Variants in GRID2 observed in about 807,000 individuals in gnomAD.
GRID2 encodes glutamate ionotropic receptor delta type subunit 2.
A neutral mutation model predicts 114.8 loss-of-function variants in GRID2; 33 were observed. The ratio of observed to expected loss-of-function variants is 0.29; its 90% CI spans 0.22 to 0.38. GRID2 has a LOEUF of 0.38. Among genes scored for constraint, GRID2 ranks in the 10% least tolerant of loss-of-function variants. The probability of loss-of-function intolerance (pLI) is 1.00; values close to 1 mark genes in which losing one functional copy is unlikely to be tolerated. For missense variants in GRID2, 1,184 were observed against 1,257.7 expected (o/e 0.94, Z 0.89); for synonymous variants, 505 against 449.9 (o/e 1.12, Z -1.55).
chr4:92,804,072 G>A (rs1460082891), intron 2 of GRID2, among the ~76,000 whole-genome samples: 2 of 151,944 alleles, frequency 1.3e-5, no homozygotes, highest in Admixed American at 6.6e-5. Flanking sequence ...TCATTACATC[G>A]TATTCTTTTT....
intron 1 of GRID2, among the ~76,000 whole-genome samples, chr4:92,377,205 G>T (rs1212743280): frequency 6.6e-6 from 1 of 152,044 alleles, no homozygotes; most frequent in Non-Finnish European, 1.5e-5. Flanking sequence ...TGAATGCTTT[G>T]CTGCTTAGAA....
At chr4:93,562,985 T>A (rs1432078776) in intron 13 of GRID2, among the ~76,000 whole-genome samples, 2 of 152,030 alleles carry the variant, frequency 1.3e-5, no homozygotes, top group Non-Finnish European at 2.9e-5. Flanking sequence ...AGCTTTATTG[T>A]AAGCCTTCAA....
intron 2 of GRID2, chr4:92,822,275 C>T (rs1269904415): frequency 5.1e-6 from 3 of 584,906 alleles, no homozygotes; most frequent in Non-Finnish European, 1.0e-5. Flanking sequence ...GATCGCATGG[C>T]ATGGCATGGC....
chr4:93,439,294 T>G (rs1721400859), intron 10 of GRID2, among the ~76,000 whole-genome samples: 1 of 151,992 alleles, frequency 6.6e-6, no homozygotes, highest in African/African-American at 2.4e-5. Context: ...TAATAGAAAT[T>G]GATAACTTGG....
At chr4:93,779,541 A>C (rs1465147987), downstream of GRID2, among the ~76,000 whole-genome samples, 1 of 152,228 alleles carries the variant, frequency 6.6e-6, no homozygotes, top group African/African-American at 2.4e-5. Flanking sequence ...TTGGAGAAAC[A>C]AAATATAAAC....
rs1579294867 is a variant in GRID2, at chr4:92,397,370, G to C, written c.88+92626G>C. 2.0e-5 allele frequency among the ~76,000 whole-genome samples: 3 copies of C among 150,784 alleles called. 1 individual carries two copies. In the South Asian group the frequency reaches 6.3e-4, roughly 32 times the overall value. On this transcript the variant is annotated intron_variant, in intron 1 of 15. Coordinates refer to ENST00000282020, the MANE Select transcript of GRID2 (RefSeq NM_001510.4). ...TGTGTGTGTGTGTGTGTGTGTGTGTGTGTGTGTGTGTGTGTTTCTCCATTC... is the reference window on the plus strand; with the variant it reads ...TGTGTGTGTGTGTGTGTGTGTGTGTCTGTGTGTGTGTGTGTTTCTCCATTC...
intron 12 of GRID2, among the ~76,000 whole-genome samples, chr4:93,509,741 A>G (rs1419465222): frequency 6.6e-6 from 1 of 152,180 alleles, no homozygotes; most frequent in East Asian, 1.9e-4. Context: ...TGCCTTACCC[A>G]AGCACCCCAG....
At chr4:93,131,442 A>G (rs1463281284) in intron 4 of GRID2, among the ~76,000 whole-genome samples, 4 of 151,662 alleles carry the variant, frequency 2.6e-5, no homozygotes, top group Non-Finnish European at 4.4e-5. Flanking sequence ...TTGAGCCACC[A>G]CGCCTGCCCA....
intron 2 of GRID2, among the ~76,000 whole-genome samples, chr4:92,593,494 G>A (rs1728804703): frequency 6.6e-6 from 1 of 151,826 alleles, no homozygotes; most frequent in Non-Finnish European, 1.5e-5. Context: ...TGTAGCTTTG[G>A]CTACAGTACA....
At chr4:92,882,159 A>G (rs1457967908) in intron 2 of GRID2, among the ~76,000 whole-genome samples, 2 of 152,024 alleles carry the variant, frequency 1.3e-5, no homozygotes, top group African/African-American at 4.8e-5. Context: ...GAAAGGTGAT[A>G]TTTTTTGTCT....
intron 1 of GRID2, among the ~76,000 whole-genome samples, chr4:92,333,291 G>A (rs1249600769): frequency 6.6e-6 from 1 of 152,212 alleles, no homozygotes. Flanking sequence ...CCAATGTTCT[G>A]GTGGCCAAGG....
intron 1 of GRID2, among the ~76,000 whole-genome samples, chr4:92,468,205 A>C (rs1721852253): frequency 6.6e-6 from 1 of 152,058 alleles, no homozygotes; most frequent in Admixed American, 6.6e-5. Flanking sequence ...AGTGGTTATC[A>C]TGTTAAAGGC....
At chr4:93,563,183 G>C (rs1177214398) in intron 13 of GRID2, among the ~76,000 whole-genome samples, 2 of 151,952 alleles carry the variant, frequency 1.3e-5, no homozygotes, top group African/African-American at 4.8e-5. Flanking sequence ...GTAAGTAAAT[G>C]CAAGTTTCTA....
At chr4:92,803,887 T>A (rs183788316) in intron 2 of GRID2, among the ~76,000 whole-genome samples, 309 of 152,140 alleles carry the variant, frequency 2.0e-3, no homozygotes, top group African/African-American at 7.3e-3. Flanking sequence ...GAAATCAGGA[T>A]GTCAGTAGAG....
At chr4:92,709,851 C>T (rs553887858) in intron 2 of GRID2, among the ~76,000 whole-genome samples, 4 of 151,714 alleles carry the variant, frequency 2.6e-5, no homozygotes, top group Non-Finnish European at 5.9e-5. Flanking sequence ...ACAGATGTAT[C>T]TATTAGATTT....
chr4:93,322,411 G>A (rs912889289), intron 8 of GRID2, among the ~76,000 whole-genome samples: 6 of 152,118 alleles, frequency 3.9e-5, no homozygotes, highest in Non-Finnish European at 7.3e-5. Context: ...ATTCCATGGT[G>A]TATATGTGCC....
intron 13 of GRID2, among the ~76,000 whole-genome samples, chr4:93,530,485 C>T (rs1049314163): frequency 6.6e-6 from 1 of 152,106 alleles, no homozygotes; most frequent in African/African-American, 2.4e-5. Context: ...TCAGGTATTG[C>T]TCATTTCTTT....
chr4:92,431,012 A>G (rs910510310), intron 1 of GRID2, among the ~76,000 whole-genome samples: 1 of 152,042 alleles, frequency 6.6e-6, no homozygotes, highest in Non-Finnish European at 1.5e-5. Flanking sequence ...TTGTGGACTC[A>G]TTAGGTTTTT....
At chr4:93,232,156 C>T (rs1746221791) in intron 7 of GRID2, among the ~76,000 whole-genome samples, 1 of 152,034 alleles carries the variant, frequency 6.6e-6, no homozygotes. Flanking sequence ...AAATGTAAGA[C>T]ACTAAATAAT....
Sources: gnomAD v4.1 joint callset for allele counts (sites outside exome capture counted in the v4.1 genomes callset) on GRCh38, gnomAD v4.1.1 for gene constraint, MANE v1.5 for transcripts, NCBI Gene and HGNC (gene_info 2026-07-23, HGNC 2026-07-21) for gene names.